SLC15A2: variants seen among roughly 807,000 people sequenced by gnomAD.
SLC15A2 encodes the protein solute carrier family 15 member 2.
In SLC15A2, 77 loss-of-function variants were observed where a neutral mutation model predicts 95.5. The observed-to-expected ratio is 0.81, with a 90% confidence interval of 0.67 to 0.97. The LOEUF is 0.97. Among genes scored for constraint, SLC15A2 ranks in the 50% least tolerant of loss-of-function variants. SLC15A2 has a pLI of 0.00. For synonymous variants in SLC15A2, 306 were observed against 306.9 expected, an observed-to-expected ratio of 1.00 and a Z score of 0.03; for missense variants, 893 against 874.4, an observed-to-expected ratio of 1.02 and a Z score of -0.27.
At position 121,940,417 on chromosome 3, in the gene SLC15A2, G is replaced by T. The variant is rs1360819653; in HGVS notation, c.1942G>T (p.Ala648Ser). The T allele has an allele frequency of 6.2e-7, 1 of 1,614,086 alleles. No individual in the cohort carries two copies. The highest frequency in any genetic ancestry group is 8.5e-7 in the Non-Finnish European group (1 of 1,179,968). The change falls in exon 21 of 22, where the codon GCT becomes TCT. Residue 648 changes from alanine (A) to serine (S), a missense_variant. Transcript: ENST00000489711. ...PSSMKSVLQA[A>S]WLLTIAVGNI... ...TAGCATGAAATCTGTGCTCCAGGCA[G>T]CTTGGCTATTGACAATTGCAGTTGG...
At position 121,913,045 on chromosome 3, in the gene SLC15A2, T is replaced by G; in HGVS notation, c.453T>G (p.Ser151Arg). Reference protein sequence around the residue: ...VHTVLSLIGLSLIALGTGGIK... With the variant: ...VHTVLSLIGLRLIALGTGGIK... ...GAGTCCTATCATTGATCGGCCTGAG[T>G]CTAATAGCTTTGGGGACAGGAGGCA... is the stretch of plus-strand genomic sequence containing the variant. Residue 151 changes from serine (S) to arginine (R), a missense_variant, in exon 5 of 22, where the codon AGT (serine) becomes AGG (arginine). Transcript: ENST00000489711. 6.2e-7 allele frequency: 1 copy of G among 1,613,658 alleles called. No individual in the cohort carries two copies. Among genetic ancestry groups the G allele is most frequent in the Non-Finnish European group, 8.5e-7 (1 of 1,179,688 alleles).
chr3:121,911,745 A>G, intron 4 of SLC15A2, 79 bp downstream of exon 4: 1 of 936,892 alleles, frequency 1.1e-6, no homozygotes, highest in Non-Finnish European at 1.7e-6. Context: ...CTTACCAGAG[A>G]TGTCTCTTTA....
At chr3:121,940,560 C>T (rs1025126346) in intron 21 of SLC15A2, 72 bp downstream of exon 21, 3 of 1,249,116 alleles carry the variant, frequency 2.4e-6, no homozygotes, top group African/African-American at 2.9e-5. Flanking sequence ...TCCCTTTCCC[C>T]CATCTCTCTG....
At chr3:121,901,897 T>G (rs541055075) in intron 3 of SLC15A2, among the ~76,000 whole-genome samples, 1 of 152,144 alleles carries the variant, frequency 6.6e-6, no homozygotes, top group East Asian at 1.9e-4. Context: ...CGTGTTACTT[T>G]GAGGGTGAAA....
intron 5 of SLC15A2, among the ~76,000 whole-genome samples, chr3:121,914,076 T>C (rs1709829110): frequency 6.6e-6 from 1 of 152,118 alleles, no homozygotes; most frequent in Non-Finnish European, 1.5e-5. Flanking sequence ...TTCAGACCAT[T>C]TGGGTTATTT....
intron 17 of SLC15A2, among the ~76,000 whole-genome samples, chr3:121,930,595 G>A (rs1265043809): frequency 6.6e-6 from 1 of 152,190 alleles, no homozygotes; most frequent in East Asian, 1.9e-4. Context: ...GAGGTCTGGT[G>A]AGGATGTGGC....
At chr3:121,920,128 G>A (rs1218299004) in intron 7 of SLC15A2, among the ~76,000 whole-genome samples, 1 of 152,150 alleles carries the variant, frequency 6.6e-6, no homozygotes, top group Non-Finnish European at 1.5e-5. Flanking sequence ...TGACATGTAA[G>A]TATGACTTTA....
rs1709767773 is a variant in SLC15A2 at position 121,911,578 on chromosome 3, A to G, written c.340A>G (p.Ile114Val). 2 of 1,612,850 alleles carry G rather than the reference A, an allele frequency of 1.2e-6. No homozygotes were observed. The highest frequency in any genetic ancestry group is 2.2e-5 in the South Asian group (2 of 91,052). Residue 114 changes from isoleucine to valine, a missense_variant, in exon 4 of 22, where the codon ATC (isoleucine) becomes GTC (valine). Transcript: ENST00000489711. The part of the protein sequence containing the change: ...ADSWLGKFKT[I>V]IYLSLVYVLG... ...CTGATTTAGCTCTCTCAACAGGACA[A>G]TCATCTATCTCTCCTTGGTGTATGT...
intron 19 of SLC15A2, among the ~76,000 whole-genome samples, chr3:121,938,079 G>T (rs968522488): frequency 1.3e-5 from 2 of 151,664 alleles, no homozygotes; most frequent in African/African-American, 4.9e-5. Context: ...GGCTGCTCAG[G>T]GGTCAGGGGT....
At position 121,943,822 on chromosome 3, in the gene SLC15A2, C is replaced by T. The variant is rs1297103202; in HGVS notation, c.*2815C>T. On this transcript the variant is annotated 3_prime_UTR_variant, in exon 22 of 22. Coordinates refer to ENST00000489711, the MANE Select transcript of SLC15A2 (RefSeq NM_021082.4). Reference sequence around the variant, plus strand: ...AGCTATATGGTGTAGACTGTTTCTCCTAGGCTACAAACCTGCACAGCATGT... The same window carrying T: ...AGCTATATGGTGTAGACTGTTTCTCTTAGGCTACAAACCTGCACAGCATGT... 1 of 152,184 alleles carries T rather than the reference C, an allele frequency of 6.6e-6. No individual in the cohort carries two copies. The highest frequency in any genetic ancestry group is 1.5e-5 in the Non-Finnish European group (1 of 68,032). The allele number at this position is 152,184 out of a possible 1,614,324, so 9.4% of individuals were successfully genotyped here. A position where few individuals can be genotyped will look rare whatever the true frequency, so the allele number is the denominator to read the frequency against.
At position 121,913,044 on chromosome 3, in the gene SLC15A2, G is replaced by A; in HGVS notation, c.452G>A (p.Ser151Asn). Residue 151 changes from serine to asparagine, a missense_variant, in exon 5 of 22, where the codon AGT (serine) becomes AAT (asparagine). Physicochemically the swap from Ser to Asn is conservative, Grantham distance 46 (BLOSUM62 1). Coordinates refer to ENST00000489711, the MANE Select transcript of SLC15A2 (RefSeq NM_021082.4). Reference protein sequence around the residue: ...VHTVLSLIGLSLIALGTGGIK... With the variant: ...VHTVLSLIGLNLIALGTGGIK... ...AGAGTCCTATCATTGATCGGCCTGA[G>A]TCTAATAGCTTTGGGGACAGGAGGC... The A allele has an allele frequency of 1.2e-6, 2 of 1,613,616 alleles. No homozygotes were observed. The highest frequency in any genetic ancestry group is 1.7e-6 in the Non-Finnish European group (2 of 1,179,660).
intron 1 of SLC15A2, 103 bp from the exon 2 acceptor site, chr3:121,896,303 C>A: frequency 1.1e-6 from 1 of 908,396 alleles, no homozygotes; most frequent in Non-Finnish European, 1.8e-6. Context: ...CATTACCTAC[C>A]AAGATGATTT....
intron 7 of SLC15A2, among the ~76,000 whole-genome samples, chr3:121,916,967 C>T (rs562001218): frequency 6.6e-5 from 10 of 152,102 alleles, no homozygotes; most frequent in East Asian, 1.9e-4. Context: ...ACTACAGGCG[C>T]CCACCACCAT....
intron 12 of SLC15A2, 95 bp from the exon 13 acceptor site, chr3:121,924,850 A>T (rs1710081164): frequency 1.2e-6 from 1 of 863,320 alleles, no homozygotes; most frequent in Non-Finnish European, 2.0e-6. Flanking sequence ...GTGTGTGTAG[A>T]TGTGAGACAG....
intron 3 of SLC15A2, among the ~76,000 whole-genome samples, chr3:121,910,976 C>G (rs541279445): frequency 6.6e-6 from 1 of 152,274 alleles, no homozygotes; most frequent in African/African-American, 2.4e-5. Context: ...TAACTTGTCC[C>G]TGAGGAAACT....
intron 19 of SLC15A2, among the ~76,000 whole-genome samples, chr3:121,937,410 C>T (rs1279254384): frequency 1.6e-5 from 2 of 122,148 alleles, no homozygotes; most frequent in Non-Finnish European, 3.4e-5. Flanking sequence ...ACCAATCAGA[C>T]GTAGATTTGG....
At chr3:121,932,652 T>TA (rs374325405) in intron 19 of SLC15A2, among the ~76,000 whole-genome samples, 1 of 151,896 alleles carries the variant, frequency 6.6e-6, no homozygotes, top group Non-Finnish European at 1.5e-5. Context: ...AGATAGTGAA[T>TA]AAAAAAAAGA....
At chr3:121,929,470 A>T in intron 17 of SLC15A2, 122 bp downstream of exon 17, 1 of 1,052,654 alleles carries the variant, frequency 9.5e-7, no homozygotes, top group South Asian at 1.5e-5. Flanking sequence ...TGCCAGGGGC[A>T]CTGGTGTCAA....
Position 121,915,287 on chromosome 3 carries a change from A to C in SLC15A2, c.589A>C (p.Ile197Leu), listed in dbSNP as rs767919925. The C allele has an allele frequency of 4.2e-5, 68 of 1,612,860 alleles. No individual in the cohort carries two copies. The highest frequency in any genetic ancestry group is 5.9e-6 in the Non-Finnish European group (7 of 1,179,546). Residue 197 changes from isoleucine (I) to leucine (L), a missense_variant, in exon 6 of 22, where the codon ATT becomes CTT. Coordinates refer to ENST00000489711, the MANE Select transcript of SLC15A2 (RefSeq NM_021082.4). The part of the protein sequence containing the change: ...FYLSINAGSL[I>L]STFITPMLRG... Reference sequence around the variant, plus strand: ...CCTGTCCATCAATGCAGGGAGCTTGATTTCTACATTTATCACACCCATGCT... The same window carrying C: ...CCTGTCCATCAATGCAGGGAGCTTGCTTTCTACATTTATCACACCCATGCT...
Sources: gnomAD v4.1 joint callset for allele counts (sites outside exome capture counted in the v4.1 genomes callset) on GRCh38, gnomAD v4.1.1 for gene constraint, MANE v1.5 for transcripts, NCBI Gene and HGNC (gene_info 2026-07-23, HGNC 2026-07-21) for gene names.